The following SEMA3C variants were observed in gnomAD, a reference collection of about 807,000 sequenced individuals.
SEMA3C encodes semaphorin 3C, also known as semaphorin-3C.
A neutral mutation model predicts 89.4 loss-of-function variants in SEMA3C; 47 were observed. That is an observed-to-expected ratio of 0.53 (90% confidence interval 0.42 to 0.67). SEMA3C has a LOEUF of 0.67. Ranked by LOEUF, SEMA3C falls within the 30% of genes least tolerant of loss-of-function variation. The probability of loss-of-function intolerance (pLI) is 0.00; values close to 1 mark genes in which losing one functional copy is unlikely to be tolerated. For missense variants in SEMA3C, 839 were observed against 929.1 expected, an observed-to-expected ratio of 0.90 and a Z score of 1.26; for synonymous variants, 310 against 320.2, an observed-to-expected ratio of 0.97 and a Z score of 0.34.
In SEMA3C at chr7:80,788,437, A is replaced by G. The variant is rs147148202; in HGVS notation, c.1354+869T>C. ...ACTTTAGCGTGCATCAGAATTACTT[A>G]GAGGGCTTGCGAAAACACAGATGAG... On this transcript the variant is annotated intron_variant, in intron 12 of 17. Transcript: ENST00000265361. Among the ~76,000 whole-genome samples the G allele has an allele frequency of 4.4e-3, 674 of 152,302 alleles. 2 individuals are homozygous for G. Among genetic ancestry groups the G allele is most frequent in the South Asian group, 7.9e-3 (38 of 4,820 alleles).
chr7:80,804,102 T>G lies in SEMA3C; in HGVS notation c.801+4A>C. 6.2e-7 allele frequency: 1 copy of G among 1,607,636 alleles called. No homozygotes were observed. Among genetic ancestry groups the G allele is most frequent in the Non-Finnish European group, 8.5e-7 (1 of 1,176,724 alleles). On this transcript the variant is annotated splice_donor_region_variant and intron_variant, in intron 8 of 17. Coordinates refer to ENST00000265361, the MANE Select transcript of SEMA3C (RefSeq NM_006379.5). ...CTTCAAATCGGAACAGCATTAATAC[T>G]TACAGGACATATTCGAGCAATCATG...
intron 2 of SEMA3C, among the ~76,000 whole-genome samples, chr7:80,829,224 T>C (rs1789953729): frequency 1.3e-5 from 2 of 152,246 alleles, no homozygotes; most frequent in African/African-American, 2.4e-5. Flanking sequence ...AAGTAAAACA[T>C]AAACCACTAA....
At chr7:80,818,057 T>TACAC (rs58398775) in intron 5 of SEMA3C, among the ~76,000 whole-genome samples, 5,077 of 149,404 alleles carry the variant, frequency 0.034, 101 homozygotes, top group Non-Finnish European at 0.04. Context: ...ACTAAAAGTA[T>TACAC]ACACACACAC....
rs1449995090 is a variant in SEMA3C at position 80,754,957 on chromosome 7, G to GTTTTTTTTTTGTTTTTTTTT, written c.1643+3373_1643+3374insAAAAAAAAACAAAAAAAAAA. On this transcript the variant is annotated intron_variant, in intron 15 of 17. Transcript: ENST00000265361. ...CATGCCTGGCGAATTGTTTTTTTTT[G>GTTTTTTTTTTGTTTTTTTTT]TTTTTTTTTTTTTTGTATTTTTAGT... 6.2e-3 allele frequency among the ~76,000 whole-genome samples: 664 copies of GTTTTTTTTTTGTTTTTTTTT among 107,724 alleles called. 1 individual carries two copies. The highest frequency in any genetic ancestry group is 8.0e-3 in the Non-Finnish European group (431 of 53,554). The allele number at this position is 107,724 out of a possible 152,430, so 70.7% of individuals were successfully genotyped here. A position where few individuals can be genotyped will look rare whatever the true frequency, so the allele number is the denominator to read the frequency against.
At chr7:80,776,962 A>G (rs1334449558) in intron 12 of SEMA3C, among the ~76,000 whole-genome samples, 2 of 152,140 alleles carry the variant, frequency 1.3e-5, no homozygotes, top group Non-Finnish European at 2.9e-5. Context: ...ACTAATATAT[A>G]TGATATATAT....
chr7:80,810,941 G>C (rs534225165), intron 5 of SEMA3C, among the ~76,000 whole-genome samples: 239 of 152,246 alleles, frequency 1.6e-3, no homozygotes, highest in African/African-American at 5.4e-3. Flanking sequence ...GCTGATCCAA[G>C]AAGTCGTTCT....
chr7:80,875,819 G>GT (rs1791187704), intron 2 of SEMA3C, among the ~76,000 whole-genome samples: 1 of 151,630 alleles, frequency 6.6e-6, no homozygotes, highest in Admixed American at 6.6e-5. Context: ...AAAAGAAGCT[G>GT]TAAGTGCTTC....
At chr7:80,821,005 A>G (rs1789733830) in intron 4 of SEMA3C, among the ~76,000 whole-genome samples, 2 of 152,226 alleles carry the variant, frequency 1.3e-5, no homozygotes, top group Admixed American at 1.3e-4. Flanking sequence ...GAAAGAAGTC[A>G]ATAACATCTC....
intron 10 of SEMA3C, 105 bp from the exon 11 acceptor site, chr7:80,798,341 T>A: frequency 9.7e-7 from 1 of 1,034,242 alleles, no homozygotes; most frequent in Non-Finnish European, 1.3e-6. Flanking sequence ...TAATCCACCA[T>A]AGAAAAGTTA....
chr7:80,867,719 T>TAC (rs10641992), intron 2 of SEMA3C, among the ~76,000 whole-genome samples: 6,322 of 149,768 alleles, frequency 0.042, 322 homozygotes, highest in African/African-American at 0.13. Flanking sequence ...GTATAAATCA[T>TAC]ACACACACAC....
Position 80,765,223 on chromosome 7 carries a change from CTT to C in SEMA3C, c.1373_1374del (p.Lys458SerfsTer7), listed in dbSNP as rs955387431. On this transcript the variant is annotated frameshift_variant, in exon 13 of 18. Coordinates refer to ENST00000265361, the MANE Select transcript of SEMA3C (RefSeq NM_006379.5). LOFTEE classifies it high-confidence loss of function. The stretch of plus-strand genomic sequence containing the variant: ...GAGTTGTTAGTAGGAAGAACAACCA[CTT>C]TTTGCACAGTACCCCGATCTAAATT... ...FLGTDRGTVQ[K>X]VVVLPTNNSV... 4 of 1,613,146 alleles carry C rather than the reference CTT, an allele frequency of 2.5e-6. No homozygotes were observed. Among genetic ancestry groups the C allele is most frequent in the Non-Finnish European group, 3.4e-6 (4 of 1,179,490 alleles).
chr7:80,808,273 T>C (rs1350159385), intron 6 of SEMA3C, among the ~76,000 whole-genome samples: 2 of 151,784 alleles, frequency 1.3e-5, no homozygotes, highest in Non-Finnish European at 2.9e-5. Context: ...TGAGGTTTAT[T>C]TTTGCAGCAT....
rs1395817991 is a variant in SEMA3C, at chr7:80,745,009, T to C, written c.2141A>G (p.Gln714Arg). Reference sequence around the variant, plus strand: ...TGATTCATCTCCCTGCTGATGTTGCTGCCGAGTGTCTTTGCAATATTGGTT... The same window carrying C: ...TGATTCATCTCCCTGCTGATGTTGCCGCCGAGTGTCTTTGCAATATTGGTT... ...MINQYCKDTRQQHQQGDESQK... is the reference protein window; with the variant it reads ...MINQYCKDTRRQHQQGDESQK... The change falls in exon 18 of 18, where the codon CAG becomes CGG. Residue 714 changes from glutamine to arginine, a missense_variant. Gln to Arg is a conservative substitution (Grantham distance 43). Transcript: ENST00000265361. 1.2e-6 allele frequency: 2 copies of C among 1,614,134 alleles called. No individual in the cohort carries two copies. The highest frequency in any genetic ancestry group is 1.7e-6 in the Non-Finnish European group (2 of 1,179,998).
At chr7:80,843,184 A>G (rs1267458538) in intron 2 of SEMA3C, among the ~76,000 whole-genome samples, 1 of 152,184 alleles carries the variant, frequency 6.6e-6, no homozygotes, top group Non-Finnish European at 1.5e-5. Flanking sequence ...CATATTTCAA[A>G]GTAGCTAGAA....
At chr7:80,837,981 C>T (rs1790171826) in intron 2 of SEMA3C, among the ~76,000 whole-genome samples, 2 of 152,132 alleles carry the variant, frequency 1.3e-5, no homozygotes, top group African/African-American at 4.8e-5. Context: ...GGTCTTTGTT[C>T]ATTCACATTC....
intron 2 of SEMA3C, among the ~76,000 whole-genome samples, chr7:80,833,628 C>T (rs746271817): frequency 1.3e-5 from 2 of 152,136 alleles, no homozygotes; most frequent in Non-Finnish European, 2.9e-5. Context: ...CTATGGCTTA[C>T]TGATAGTTGA....
intron 15 of SEMA3C, among the ~76,000 whole-genome samples, chr7:80,757,020 C>T (rs1583848372): frequency 6.6e-6 from 1 of 152,224 alleles, no homozygotes; most frequent in Admixed American, 6.5e-5. Flanking sequence ...TGCCTAGCTT[C>T]TAAAACAATG....
At chr7:80,874,441 T>C (rs955274212) in intron 2 of SEMA3C, among the ~76,000 whole-genome samples, 9 of 147,666 alleles carry the variant, frequency 6.1e-5, no homozygotes, top group South Asian at 2.2e-4. Flanking sequence ...TAAAAGACCA[T>C]AGCAAGTTAT....
At chr7:80,765,080 C>T in intron 13 of SEMA3C, 75 bp downstream of exon 13, 1 of 942,884 alleles carries the variant, frequency 1.1e-6, no homozygotes, top group South Asian at 1.7e-5. Context: ...ATATAGTTTC[C>T]TCCCAAGTGG....
Sources: gnomAD v4.1 joint callset for allele counts (sites outside exome capture counted in the v4.1 genomes callset) on GRCh38, gnomAD v4.1.1 for gene constraint, MANE v1.5 for transcripts, NCBI Gene and HGNC (gene_info 2026-07-23, HGNC 2026-07-21) for gene names.